Variants in UBE2E2 observed in about 807,000 individuals in gnomAD.
UBE2E2 encodes the protein ubiquitin conjugating enzyme E2 E2, also known as ubiquitin-conjugating enzyme E2 E2.
UBE2E2 carries 6 observed loss-of-function variants against 24.7 expected under a neutral mutation model. The observed-to-expected ratio is 0.24, with a 90% CI of 0.13 to 0.48. The LOEUF is 0.48. UBE2E2 is among the 20% of genes least tolerant of loss of function. The pLI is 0.99. For missense variants in UBE2E2, 169 were observed against 245.0 expected (o/e 0.69, Z 2.07); for synonymous variants, 104 against 83.6 (o/e 1.24, Z -1.33).
chr3:23,556,454 T>TTAAAAAAAAA (rs1553620573), intron 5 of UBE2E2, among the ~76,000 whole-genome samples: 12,063 of 92,084 alleles, frequency 0.13, 947 homozygotes, highest in Non-Finnish European at 0.17. Flanking sequence ...AAAATTTATT[T>TTAAAAAAAAA]AAAAAAAAAA....
chr3:23,212,320 C>T (rs1405950214), intron 2 of UBE2E2, among the ~76,000 whole-genome samples: 1 of 152,180 alleles, frequency 6.6e-6, no homozygotes, highest in African/African-American at 2.4e-5. Flanking sequence ...GCTCTTATCA[C>T]AGCCTGTTCT....
At chr3:23,366,500 A>C (rs1348842579) in intron 3 of UBE2E2, among the ~76,000 whole-genome samples, 1 of 152,210 alleles carries the variant, frequency 6.6e-6, no homozygotes, top group African/African-American at 2.4e-5. Flanking sequence ...TTCGCTTTGC[A>C]ACAACATTGA....
intron 3 of UBE2E2, among the ~76,000 whole-genome samples, chr3:23,285,337 G>C (rs1347085968): frequency 6.6e-6 from 1 of 152,124 alleles, no homozygotes; most frequent in African/African-American, 2.4e-5. Flanking sequence ...TGCAATAAAC[G>C]TGGGAATGCA....
intron 3 of UBE2E2, among the ~76,000 whole-genome samples, chr3:23,393,009 C>G (rs188311561): frequency 6.6e-6 from 1 of 152,156 alleles, no homozygotes; most frequent in Admixed American, 6.5e-5. Context: ...CCAAATCTTA[C>G]AGAGCCTTGG....
intron 3 of UBE2E2, among the ~76,000 whole-genome samples, chr3:23,291,849 ATTTTTTTTT>A (rs57708620): frequency 7.8e-5 from 5 of 64,036 alleles, no homozygotes; most frequent in East Asian, 5.1e-4. Context: ...TGCCCGGCTA[ATTTTTTTTT>A]TTTTTTTTTT....
intron 3 of UBE2E2, among the ~76,000 whole-genome samples, chr3:23,383,349 G>C (rs1256686991): frequency 6.6e-6 from 1 of 152,128 alleles, no homozygotes; most frequent in Non-Finnish European, 1.5e-5. Context: ...GGAAAATCTG[G>C]CTTGGGAATA....
intron 3 of UBE2E2, among the ~76,000 whole-genome samples, chr3:23,308,079 A>G (rs148462449): frequency 5.0e-4 from 76 of 152,308 alleles, no homozygotes; most frequent in African/African-American, 1.8e-3. Context: ...CTTTGGCTTG[A>G]ATAGTGGGAT....
At chr3:23,465,511 C>G (rs1222643159) in intron 3 of UBE2E2, among the ~76,000 whole-genome samples, 1 of 152,190 alleles carries the variant, frequency 6.6e-6, no homozygotes, top group African/African-American at 2.4e-5. Flanking sequence ...GATTCATTAC[C>G]TGACTTGAAT....
intron 5 of UBE2E2, among the ~76,000 whole-genome samples, chr3:23,533,615 T>G (rs111786222): frequency 7.6e-6 from 1 of 131,294 alleles, no homozygotes; most frequent in Non-Finnish European, 1.6e-5. Flanking sequence ...AGTAGCAAAT[T>G]AGTATTTTTT....
intron 3 of UBE2E2, among the ~76,000 whole-genome samples, chr3:23,437,334 A>G (rs773328158): frequency 2.0e-5 from 3 of 152,176 alleles, no homozygotes; most frequent in Admixed American, 2.0e-4. Context: ...TTCCATGCAT[A>G]GTAGGTCCCA....
At chr3:23,350,816 G>A (rs1458840516) in intron 3 of UBE2E2, among the ~76,000 whole-genome samples, 1 of 152,192 alleles carries the variant, frequency 6.6e-6, no homozygotes, top group African/African-American at 2.4e-5. Context: ...CACTCTACAG[G>A]ATATTGTCCA....
chr3:23,233,949 AGT>A (rs1276771040), intron 3 of UBE2E2, among the ~76,000 whole-genome samples: 1 of 152,192 alleles, frequency 6.6e-6, no homozygotes, highest in Non-Finnish European at 1.5e-5. Context: ...TGTAAATATA[AGT>A]GTTATAAAAT....
At position 23,525,737 on chromosome 3, in the gene UBE2E2, T is replaced by C. The variant is rs1050004914; in HGVS notation, c.361-6817T>C. Among the ~76,000 whole-genome samples the C allele has an allele frequency of 7.2e-5, 11 of 152,306 alleles. 2 individuals are homozygous for C. The highest frequency in any genetic ancestry group is 1.3e-4 in the Admixed American group (2 of 15,302). ...TTATGGTCATTTTTTATCATTTGCT[T>C]GTTTGTCAGGAACATGACATGAAGG... On this transcript the variant is annotated intron_variant, in intron 4 of 5. Transcript: ENST00000396703.
chr3:23,275,972 G>A lies in UBE2E2; in HGVS notation c.227+58660G>A, dbSNP rs139205339. ...CCAGAGACTACGTATCTGAGAGGAT[G>A]TCACTTAAGGGCTTTAACTGAATGA... On this transcript the variant is annotated intron_variant, in intron 3 of 5. Transcript: ENST00000396703. Among the ~76,000 whole-genome samples, 5 of 152,252 alleles carry A rather than the reference G, an allele frequency of 3.3e-5. No individual in the cohort carries two copies. In the East Asian group the frequency reaches 9.6e-4, roughly 29 times the overall value.
chr3:23,491,031 G>A (rs1699483682), intron 3 of UBE2E2, among the ~76,000 whole-genome samples: 2 of 152,166 alleles, frequency 1.3e-5, no homozygotes, highest in Non-Finnish European at 2.9e-5. Context: ...GGACTAGGAA[G>A]AAGCCTTATG....
chr3:23,418,088 C>G (rs1697687713), intron 3 of UBE2E2, among the ~76,000 whole-genome samples: 1 of 152,110 alleles, frequency 6.6e-6, no homozygotes, highest in South Asian at 2.1e-4. Flanking sequence ...GCTGGCGTTG[C>G]AGGCACCACT....
chr3:23,254,708 C>G (rs6797467), intron 3 of UBE2E2, among the ~76,000 whole-genome samples: 52,257 of 151,886 alleles, frequency 0.34, 9,235 homozygotes, highest in South Asian at 0.4. Context: ...GTGTTTGATC[C>G]TGGCTGGGGA....
At chr3:23,344,359 C>T (rs996166731) in intron 3 of UBE2E2, among the ~76,000 whole-genome samples, 1 of 151,998 alleles carries the variant, frequency 6.6e-6, no homozygotes, top group Non-Finnish European at 1.5e-5. Flanking sequence ...ATTGGGCAAC[C>T]GAAGGCTCAT....
chr3:23,257,914 C>T (rs779352515), intron 3 of UBE2E2, among the ~76,000 whole-genome samples: 3 of 151,886 alleles, frequency 2.0e-5, no homozygotes, highest in Non-Finnish European at 4.4e-5. Flanking sequence ...GCTTTTCTTT[C>T]ATTTAGATCT....
Sources: gnomAD v4.1 joint callset for allele counts (sites outside exome capture counted in the v4.1 genomes callset) on GRCh38, gnomAD v4.1.1 for gene constraint, MANE v1.5 for transcripts, NCBI Gene and HGNC (gene_info 2026-07-23, HGNC 2026-07-21) for gene names.